SLC7A8: variants seen among roughly 807,000 people sequenced by gnomAD.
SLC7A8 encodes large neutral amino acids transporter small subunit 2.
SLC7A8 carries 30 observed loss-of-function variants against 51.2 expected under a neutral mutation model. That is an observed-to-expected ratio of 0.59 (90% CI 0.44 to 0.80). The LOEUF is 0.80. SLC7A8 is among the 30% of genes least tolerant of loss of function. The probability of loss-of-function intolerance (pLI) is 0.00; values close to 1 mark genes in which losing one functional copy is unlikely to be tolerated. For missense variants in SLC7A8, 612 were observed against 674.4 expected, an observed-to-expected ratio of 0.91 and a Z score of 1.03; for synonymous variants, 257 against 275.8, an observed-to-expected ratio of 0.93 and a Z score of 0.67.
Position 23,129,814 on chromosome 14 carries a change from G to A in SLC7A8, c.1114-15C>T. 6.2e-7 allele frequency: 1 copy of A among 1,613,690 alleles called. No individual in the cohort carries two copies. Among genetic ancestry groups the A allele is most frequent in the Non-Finnish European group, 8.5e-7 (1 of 1,179,760 alleles). The stretch of plus-strand genomic sequence containing the variant: ...GTGGAGATGCACTGGGAAAGTGGGA[G>A]GAGCTCATCAGTGATCCGAAAGATA... On this transcript the variant is annotated splice_polypyrimidine_tract_variant and intron_variant, in intron 8 of 10. Coordinates refer to ENST00000316902, the MANE Select transcript of SLC7A8 (RefSeq NM_012244.4).
rs547686640 is a variant in SLC7A8 at position 23,165,568 on chromosome 14, A to G, written c.357-132T>C. Reference sequence around the variant, plus strand: ...AAGAGCCCAGCCTCTGCCCCCACCCACAAATGAGACACCCAGCCCTCTGCA... The same window carrying G: ...AAGAGCCCAGCCTCTGCCCCCACCCGCAAATGAGACACCCAGCCCTCTGCA... On this transcript the variant is annotated intron_variant, in intron 2 of 10. Transcript: ENST00000316902. This position sits in a 1 kb window ranked among gnomAD's most constrained non-coding sequence, Gnocchi z 4.2. 5 of 826,168 alleles carry G rather than the reference A, an allele frequency of 6.1e-6. No individual in the cohort carries two copies. The highest frequency in any genetic ancestry group is 9.1e-6 in the Non-Finnish European group (5 of 551,992). The allele number at this position is 826,168 out of a possible 1,614,324, so 51.2% of individuals were successfully genotyped here. A position where few individuals can be genotyped will look rare whatever the true frequency, so the allele number is the denominator to read the frequency against.
intron 1 of SLC7A8, among the ~76,000 whole-genome samples, chr14:23,173,655 C>CT (rs552757160): frequency 1.7e-4 from 26 of 149,474 alleles, no homozygotes; most frequent in Admixed American, 2.7e-4. Context: ...TAAATTTTTA[C>CT]TTTTTTTTTT....
chr14:23,156,645 A>G (rs2048894826), intron 3 of SLC7A8, among the ~76,000 whole-genome samples: 1 of 152,234 alleles, frequency 6.6e-6, no homozygotes, highest in Non-Finnish European at 1.5e-5. Context: ...CTTGACAGTC[A>G]GCAACAAAAG....
Position 23,140,628 on chromosome 14 carries a change from T to G in SLC7A8, c.635-4A>C, listed in dbSNP as rs749925169. On this transcript the variant is annotated splice_polypyrimidine_tract_variant and splice_region_variant and intron_variant, in intron 4 of 10. Coordinates refer to ENST00000316902, the MANE Select transcript of SLC7A8 (RefSeq NM_012244.4). ...GGCTCCAGCCAGAAGTACTCTCCTG[T>G]GGACACAAGCAACAGGAGGCCGCTC... The G allele has an allele frequency of 3.7e-6, 6 of 1,609,432 alleles. No homozygotes were observed. The Admixed American group carries it at 5.0e-5, about 13-fold the overall frequency.
chr14:23,130,551 A>G (rs1456051550), intron 8 of SLC7A8, among the ~76,000 whole-genome samples: 1 of 152,196 alleles, frequency 6.6e-6, no homozygotes, highest in Non-Finnish European at 1.5e-5. Context: ...TCTGCCTTTT[A>G]GTCACACTAC....
chr14:23,167,924 C>T (rs1016906901), intron 1 of SLC7A8, among the ~76,000 whole-genome samples: 6 of 152,138 alleles, frequency 3.9e-5, no homozygotes, highest in African/African-American at 9.7e-5. Context: ...TCAACCATAA[C>T]TCAACCTCAA....
intron 6 of SLC7A8, 30 bp downstream of exon 6, chr14:23,139,394 G>T: frequency 6.2e-7 from 1 of 1,613,444 alleles, no homozygotes; most frequent in South Asian, 1.1e-5. Flanking sequence ...TGCATTCCTG[G>T]TATGAGACTC....
chr14:23,154,454 C>T (rs749149965), intron 3 of SLC7A8: 193 of 987,242 alleles, frequency 2.0e-4, no homozygotes, highest in Admixed American at 2.5e-4. Context: ...TGGCTACGCT[C>T]GGCTCTGTGA....
chr14:23,131,486 G>A lies in SLC7A8; in HGVS notation c.1088C>T (p.Thr363Ile), dbSNP rs564512434. The change falls in exon 8 of 11, where the codon ACC becomes ATC. Residue 363 changes from threonine to isoleucine, a missense_variant. By Grantham distance (89) the Thr-to-Ile change is moderately conservative (BLOSUM62 -1). Transcript: ENST00000316902. Reference protein sequence around the residue: ...VLAMIHVKRCTPIPALLFTCI... With the variant: ...VLAMIHVKRCIPIPALLFTCI... ...TGTGAAGAGCAGGGCTGGGATTGGG[G>A]TGCAGCGCTTCACGTGGATCATGGC... The A allele has an allele frequency of 2.5e-6, 4 of 1,608,384 alleles. No individual in the cohort carries two copies. Among genetic ancestry groups the A allele is most frequent in the Non-Finnish European group, 3.4e-6 (4 of 1,177,454 alleles).
intron 1 of SLC7A8, among the ~76,000 whole-genome samples, chr14:23,177,574 T>C (rs1876978687): frequency 1.3e-5 from 2 of 152,206 alleles, no homozygotes; most frequent in African/African-American, 4.8e-5. Context: ...TTTTAATGCC[T>C]TCAAGACACA....
intron 5 of SLC7A8, 141 bp downstream of exon 5, chr14:23,140,330 T>G: frequency 1.1e-6 from 1 of 915,198 alleles, no homozygotes. Context: ...GGAAATGAAC[T>G]ACGACTTCAG....
intron 7 of SLC7A8, among the ~76,000 whole-genome samples, chr14:23,134,430 C>T (rs191574623): frequency 0.014 from 1,391 of 99,872 alleles, 23 homozygotes; most frequent in East Asian, 0.051. Flanking sequence ...AAGTGAGACC[C>T]TGTCTCCAAA....
chr14:23,142,976 G>A lies in SLC7A8; in HGVS notation c.634+103C>T, dbSNP rs1594825264. The stretch of plus-strand genomic sequence containing the variant: ...GAGAAGTCACTCAAGGCTAGAATTG[G>A]GGAAATCTCAGGGTGTGGCATACTT... On this transcript the variant is annotated intron_variant, in intron 4 of 10. Transcript: ENST00000316902. 3 of 1,430,416 alleles carry A rather than the reference G, an allele frequency of 2.1e-6. No individual in the cohort carries two copies. In the African/African-American group the frequency reaches 4.2e-5, roughly 20 times the overall value. 88.6% of individuals were successfully genotyped at this position (1,430,416 alleles called of 1,614,324 possible). A position where few individuals can be genotyped will look rare whatever the true frequency, so the allele number is the denominator to read the frequency against.
intron 1 of SLC7A8, among the ~76,000 whole-genome samples, chr14:23,179,971 C>A (rs893841979): frequency 1.3e-5 from 2 of 150,382 alleles, no homozygotes; most frequent in Non-Finnish European, 3.0e-5. Flanking sequence ...AGTGGCGCAA[C>A]CTTGGCTCAC....
chr14:23,127,329 C>A lies in SLC7A8; in HGVS notation c.1456G>T (p.Val486Leu). The change falls in exon 11 of 11, where the codon GTG (valine) becomes TTG (leucine). Residue 486 changes from valine (V) to leucine (L), a missense_variant. Physicochemically the swap from Val to Leu is conservative, Grantham distance 32. Coordinates refer to ENST00000316902, the MANE Select transcript of SLC7A8 (RefSeq NM_012244.4). ...ACGACCACACACATCTTCTGGCTCA[C>A]CAGGGTTAGCAGCTCTGTAGGAAGA... ...FSDFIELLTLVSQKMCVVVYP... is the reference protein window; with the variant it reads ...FSDFIELLTLLSQKMCVVVYP... The A allele has an allele frequency of 1.2e-6, 2 of 1,614,064 alleles. No individual in the cohort carries two copies. The highest frequency in any genetic ancestry group is 1.7e-6 in the Non-Finnish European group (2 of 1,179,926).
At position 23,129,465 on chromosome 14, in the gene SLC7A8, T is replaced by C. The variant is rs77393675; in HGVS notation, c.1263+185A>G. 1.8e-3 allele frequency: 1,141 copies of C among 620,486 alleles called. 11 individuals are homozygous for C. In the African/African-American group the frequency reaches 0.019, roughly 11 times the overall value. The allele number at this position is 620,486 out of a possible 1,614,324, so 38.4% of individuals were successfully genotyped here. A position where few individuals can be genotyped will look rare whatever the true frequency, so the allele number is the denominator to read the frequency against. ...TCCCCAGCTGCAGTCTGCTCCGATC[T>C]CATCCCCAGTGGAGAATGGAAATAG... is the stretch of plus-strand genomic sequence containing the variant. On this transcript the variant is annotated intron_variant, in intron 9 of 10. Coordinates refer to ENST00000316902, the MANE Select transcript of SLC7A8 (RefSeq NM_012244.4).
At chr14:23,182,726 G>T (rs1415558034) in intron 1 of SLC7A8, 38 bp downstream of exon 1, 1 of 1,516,192 alleles carries the variant, frequency 6.6e-7, no homozygotes, top group Non-Finnish European at 8.8e-7. Context: ...GACCACCAGA[G>T]GGGAGAGGAG....
intron 7 of SLC7A8, among the ~76,000 whole-genome samples, chr14:23,136,801 C>A (rs1413135683): frequency 6.6e-6 from 1 of 152,218 alleles, no homozygotes; most frequent in Non-Finnish European, 1.5e-5. Context: ...TCTCAGGGAG[C>A]CTCACGGGTC....
intron 7 of SLC7A8, among the ~76,000 whole-genome samples, chr14:23,133,440 CAAAAAAA>C (rs10577714): frequency 2.1e-5 from 2 of 93,224 alleles, no homozygotes; most frequent in African/African-American, 8.3e-5. Flanking sequence ...GAACCTGTCT[CAAAAAAA>C]AAAAAAAAAA....
Sources: allele counts gnomAD v4.1 joint callset (sites outside exome capture counted in the v4.1 genomes callset), GRCh38; gene constraint gnomAD v4.1.1; non-coding constraint Gnocchi (gnomAD v3.1); transcripts MANE v1.5; gene names NCBI Gene and HGNC (gene_info 2026-07-23, HGNC 2026-07-21).